Variants in FGF14 observed in about 807,000 individuals in gnomAD.
FGF14 encodes fibroblast growth factor 14, also known as fibroblast growth factor homologous factor 4.
A neutral mutation model predicts 25.5 loss-of-function variants in FGF14; 5 were observed. The ratio of observed to expected loss-of-function variants is 0.20; its 90% CI spans 0.10 to 0.41. The LOEUF (loss-of-function observed/expected upper bound fraction) is 0.41, where lower values mean the gene tolerates loss of function less well. Ranked by LOEUF, FGF14 falls within the 10% of genes least tolerant of loss-of-function variation. FGF14 has a pLI of 1.00. For missense variants in FGF14, 222 were observed against 320.1 expected, an observed-to-expected ratio of 0.69 and a Z score of 2.34; for synonymous variants, 138 against 118.3, an observed-to-expected ratio of 1.17 and a Z score of -1.08.
At chr13:101,838,060 G>A (rs567780851) in intron 3 of FGF14, among the ~76,000 whole-genome samples, 6 of 151,882 alleles carry the variant, frequency 4.0e-5, no homozygotes, top group Non-Finnish European at 5.9e-5. Flanking sequence ...TTTGGGATTC[G>A]GACTGGCTTC....
intron 1 of FGF14, among the ~76,000 whole-genome samples, chr13:102,253,358 C>T (rs2052283495): frequency 6.6e-6 from 1 of 152,180 alleles, no homozygotes; most frequent in African/African-American, 2.4e-5. Flanking sequence ...TAATGATCAC[C>T]ATTCTAACTG....
intron 3 of FGF14, among the ~76,000 whole-genome samples, chr13:101,814,921 C>A (rs2041762631): frequency 6.6e-6 from 1 of 152,126 alleles, no homozygotes; most frequent in South Asian, 2.1e-4. Context: ...GTCAGATTTA[C>A]AAGTAACCTG....
intron 1 of FGF14, among the ~76,000 whole-genome samples, chr13:101,960,948 G>GTTTAGCTT (rs1460036966): frequency 1.3e-5 from 2 of 152,254 alleles, no homozygotes; most frequent in East Asian, 3.9e-4. Context: ...GATCGTTGAT[G>GTTTAGCTT]TTTAGCTTTT....
intron 3 of FGF14, among the ~76,000 whole-genome samples, chr13:101,733,190 T>G (rs1306822034): frequency 1.3e-5 from 2 of 152,180 alleles, no homozygotes; most frequent in Admixed American, 6.5e-5. Flanking sequence ...TATAAAGTTG[T>G]ATGTAGTCAA....
chr13:102,122,443 A>T (rs759355603), intron 1 of FGF14, among the ~76,000 whole-genome samples: 51 of 152,272 alleles, frequency 3.3e-4, no homozygotes, highest in Admixed American at 5.9e-4. Flanking sequence ...TGTGCCCACA[A>T]ATATCATTTC....
At chr13:101,830,321 A>G (rs1280617732) in intron 3 of FGF14, among the ~76,000 whole-genome samples, 2 of 152,082 alleles carry the variant, frequency 1.3e-5, no homozygotes, top group Non-Finnish European at 2.9e-5. Context: ...GATGAAGGAT[A>G]GAAAGAAGGA....
intron 1 of FGF14, among the ~76,000 whole-genome samples, chr13:102,088,368 T>C (rs1008615506): frequency 1.3e-5 from 2 of 152,208 alleles, no homozygotes; most frequent in Non-Finnish European, 2.9e-5. Context: ...TATTTTATAT[T>C]AATGAAAATG....
chr13:101,981,408 T>C (rs963270761), intron 1 of FGF14, among the ~76,000 whole-genome samples: 5 of 152,154 alleles, frequency 3.3e-5, no homozygotes, highest in African/African-American at 9.7e-5. Context: ...TGCCAGCACC[T>C]TGATCTTAAA....
intron 1 of FGF14, among the ~76,000 whole-genome samples, chr13:102,061,406 C>G (rs1290998369): frequency 6.6e-6 from 1 of 152,256 alleles, no homozygotes; most frequent in East Asian, 1.9e-4. Flanking sequence ...GAGGTTTGCG[C>G]GTGGGGCACA....
chr13:101,890,555 G>C (rs2046216297), intron 1 of FGF14, among the ~76,000 whole-genome samples: 1 of 152,066 alleles, frequency 6.6e-6, no homozygotes, highest in Non-Finnish European at 1.5e-5. Flanking sequence ...ATCTCGGCAA[G>C]AACAGCAGAA....
chr13:101,937,445 A>C (rs2035177191), intron 1 of FGF14, among the ~76,000 whole-genome samples: 2 of 152,184 alleles, frequency 1.3e-5, no homozygotes. Flanking sequence ...GGTTGTGCAC[A>C]CACAGAGATG....
At chr13:101,813,284 T>G (rs905612365) in intron 3 of FGF14, among the ~76,000 whole-genome samples, 2 of 152,148 alleles carry the variant, frequency 1.3e-5, no homozygotes, top group African/African-American at 4.8e-5. Flanking sequence ...TGTTGAAACT[T>G]AATGACCAAT....
chr13:102,066,261 T>C (rs1366447279), intron 1 of FGF14, among the ~76,000 whole-genome samples: 9 of 152,168 alleles, frequency 5.9e-5, no homozygotes, highest in African/African-American at 2.2e-4. Context: ...TAATTCAATA[T>C]CTAATAAGTG....
intron 1 of FGF14, among the ~76,000 whole-genome samples, chr13:102,291,143 A>G (rs1029868638): frequency 6.6e-6 from 1 of 152,264 alleles, no homozygotes; most frequent in Non-Finnish European, 1.5e-5. Flanking sequence ...TTTGCTAAAA[A>G]GCATGACTGA....
intron 1 of FGF14, among the ~76,000 whole-genome samples, chr13:102,092,913 A>C (rs1442198132): frequency 1.3e-5 from 2 of 152,210 alleles, no homozygotes; most frequent in Non-Finnish European, 2.9e-5. Flanking sequence ...ATGAAGAAGA[A>C]GGCAGCATGA....
chr13:102,083,154 A>G (rs1360943981), intron 1 of FGF14, among the ~76,000 whole-genome samples: 1 of 152,028 alleles, frequency 6.6e-6, no homozygotes, highest in Non-Finnish European at 1.5e-5. Flanking sequence ...CATTTTGTCT[A>G]CTCTACCTTC....
At chr13:102,341,229 T>C (rs1252996253) in intron 1 of FGF14, among the ~76,000 whole-genome samples, 2 of 151,886 alleles carry the variant, frequency 1.3e-5, no homozygotes, top group African/African-American at 2.4e-5. Flanking sequence ...CTTTACAGAG[T>C]AGAGAAAATG....
At chr13:101,776,637 G>C (rs1028890) in intron 3 of FGF14, among the ~76,000 whole-genome samples, 144,038 of 152,258 alleles carry the variant, frequency 0.95, 68,717 homozygotes, top group East Asian at 1. Context: ...AGAACAAAAC[G>C]CATGGTTCTT....
In FGF14 at chr13:102,122,686, T is replaced by C. The variant is rs144554385; in HGVS notation, c.209-247390A>G. On this transcript the variant is annotated intron_variant, in intron 1 of 4. Coordinates refer to the FGF14 transcript ENST00000376131. ...TACATGCCCTACATGGCATTTTCTC[T>C]AGCAGGAAAATGAACAGTTTGGTCT... Among the ~76,000 whole-genome samples the C allele has an allele frequency of 2.8e-3, 431 of 152,338 alleles. 1 individual carries two copies. The highest frequency in any genetic ancestry group is 9.8e-3 in the African/African-American group (409 of 41,582).
Sources: gnomAD v4.1 joint callset for allele counts (sites outside exome capture counted in the v4.1 genomes callset) on GRCh38, gnomAD v4.1.1 for gene constraint, MANE v1.5 for transcripts, NCBI Gene and HGNC (gene_info 2026-07-23, HGNC 2026-07-21) for gene names.